The following SPAM1 variants were observed in gnomAD, a reference collection of about 807,000 sequenced individuals.
SPAM1 encodes the protein sperm adhesion molecule 1.
A neutral mutation model predicts 29.6 loss-of-function variants in SPAM1; 22 were observed. The ratio of observed to expected loss-of-function variants is 0.74; its 90% CI spans 0.53 to 1.06. SPAM1 has a LOEUF of 1.06. Ranked by LOEUF, SPAM1 falls within the 50% of genes least tolerant of loss-of-function variation. The pLI is 0.00. For synonymous variants in SPAM1, 194 were observed against 204.6 expected, an observed-to-expected ratio of 0.95 and a Z score of 0.44; for missense variants, 534 against 604.0, an observed-to-expected ratio of 0.88 and a Z score of 1.21.
At chr7:123,937,596 CAA>C (rs5887154) in intron 1 of SPAM1, among the ~76,000 whole-genome samples, 62 of 85,846 alleles carry the variant, frequency 7.2e-4, no homozygotes, top group East Asian at 2.3e-3. Context: ...GACTCCATCT[CAA>C]AAAAAAAAAA....
chr7:123,951,952 G>C (rs1486653537), intron 2 of SPAM1, among the ~76,000 whole-genome samples: 2 of 152,014 alleles, frequency 1.3e-5, no homozygotes, highest in Non-Finnish European at 2.9e-5. Context: ...AAATGAACAC[G>C]TGGAAATAGA....
At chr7:123,963,104 C>G (rs1486236239), downstream of SPAM1, among the ~76,000 whole-genome samples, 3 of 151,614 alleles carry the variant, frequency 2.0e-5, no homozygotes, top group Non-Finnish European at 4.4e-5. Context: ...ATACTTTTGC[C>G]AGGATGAAAT....
downstream of SPAM1, among the ~76,000 whole-genome samples, chr7:123,960,783 G>A (rs751777596): frequency 9.3e-5 from 14 of 151,196 alleles, no homozygotes; most frequent in South Asian, 2.1e-4. Flanking sequence ...ATTTTTTTGC[G>A]GCATTACATT....
chr7:123,941,964 G>C (rs1266083971), intron 1 of SPAM1, among the ~76,000 whole-genome samples: 1 of 152,112 alleles, frequency 6.6e-6, no homozygotes, highest in African/African-American at 2.4e-5. Flanking sequence ...AATAGGGAGA[G>C]GAAGGGAGAA....
chr7:123,935,182 A>G lies in SPAM1; in HGVS notation c.-319+9830A>G, dbSNP rs140864965. 4.0e-3 allele frequency among the ~76,000 whole-genome samples: 611 copies of G among 152,288 alleles called. 11 individuals are homozygous for G. The highest frequency in any genetic ancestry group is 0.013 in the Admixed American group (197 of 15,292). ...CCTAATACAGGGAGGGTGCCTGTACATGGGAAATTTTATGTCTTGTTTTCG... is the reference window on the plus strand; with the variant it reads ...CCTAATACAGGGAGGGTGCCTGTACGTGGGAAATTTTATGTCTTGTTTTCG... On this transcript the variant is annotated intron_variant, in intron 1 of 4. Coordinates refer to ENST00000682466, the MANE Select transcript of SPAM1 (RefSeq NM_153189.3).
intron 1 of SPAM1, among the ~76,000 whole-genome samples, chr7:123,931,090 A>G (rs1004417423): frequency 2.6e-5 from 4 of 152,110 alleles, no homozygotes; most frequent in African/African-American, 9.7e-5. Flanking sequence ...AGGTTGGACA[A>G]TGAGGATGCT....
Position 123,953,713 on chromosome 7 carries a change from C to T in SPAM1, c.143C>T (p.Pro48Leu). The change falls in exon 3 of 5, where the codon CCT becomes CTT. Residue 48 changes from proline to leucine, a missense_variant. By Grantham distance (98) the Pro-to-Leu change is moderately conservative (BLOSUM62 -3). Transcript: ENST00000682466. ...GCACCTCCTGTTATTCCAAATGTGC[C>T]TTTCCTCTGGGCCTGGAATGCCCCA... ...FRAPPVIPNV[P>L]FLWAWNAPSE... 2 of 1,613,358 alleles carry T rather than the reference C, an allele frequency of 1.2e-6. No individual in the cohort carries two copies. The highest frequency in any genetic ancestry group is 1.7e-6 in the Non-Finnish European group (2 of 1,179,684).
At chr7:123,928,016 G>A (rs571531641) in intron 1 of SPAM1, among the ~76,000 whole-genome samples, 19 of 152,196 alleles carry the variant, frequency 1.2e-4, no homozygotes, top group Non-Finnish European at 1.5e-4. Context: ...CATTGTAAGA[G>A]TTCATGGCTC....
intron 5 of SPAM1, among the ~76,000 whole-genome samples, chr7:123,969,778 CT>C (rs34864162): frequency 0.12 from 16,527 of 140,100 alleles, 974 homozygotes; most frequent in African/African-American, 0.14. Context: ...TATTTGGGCT[CT>C]TTTTTTTTTT....
chr7:123,945,114 A>G (rs867079424), intron 1 of SPAM1, among the ~76,000 whole-genome samples: 29 of 152,094 alleles, frequency 1.9e-4, no homozygotes, highest in Non-Finnish European at 2.4e-4. Flanking sequence ...AATTTACCAT[A>G]TAAGATTCTT....
Position 123,965,750 on chromosome 7 carries a change from C to T in SPAM1, c.1486-4448C>T, listed in dbSNP as rs183695591. ...TCAGATAGGGTATTGCCTCCAGCTT[C>T]GCTCTTTTTGTTTAGGATTGTCTTG... On this transcript the variant is annotated intron_variant, in intron 5 of 6. Transcript: ENST00000340011. Among the ~76,000 whole-genome samples, 382 of 152,076 alleles carry T rather than the reference C, an allele frequency of 2.5e-3. 9 individuals carry two copies. Among genetic ancestry groups the T allele is most frequent in the Admixed American group, 0.022 (341 of 15,242 alleles).
At chr7:123,927,431 A>G (rs1475101183) in intron 1 of SPAM1, among the ~76,000 whole-genome samples, 1 of 152,194 alleles carries the variant, frequency 6.6e-6, no homozygotes, top group Non-Finnish European at 1.5e-5. Context: ...GGGCATCTAT[A>G]GCGATTTAGC....
chr7:123,927,443 T>G (rs1170766717), intron 1 of SPAM1, among the ~76,000 whole-genome samples: 2 of 152,182 alleles, frequency 1.3e-5, no homozygotes, highest in African/African-American at 4.8e-5. Flanking sequence ...CGATTTAGCA[T>G]GGGCAGCAAA....
intron 5 of SPAM1, among the ~76,000 whole-genome samples, chr7:123,965,334 T>G (rs1792408944): frequency 6.6e-6 from 1 of 152,058 alleles, no homozygotes; most frequent in Non-Finnish European, 1.5e-5. Flanking sequence ...ATTTTTCTTT[T>G]GTTGCAATCG....
At chr7:123,927,262 A>T (rs1807916435) in intron 1 of SPAM1, among the ~76,000 whole-genome samples, 1 of 152,182 alleles carries the variant, frequency 6.6e-6, no homozygotes, top group Non-Finnish European at 1.5e-5. Context: ...TTGAATACCC[A>T]AAACAATCCT....
intron 1 of SPAM1, among the ~76,000 whole-genome samples, chr7:123,945,696 G>C (rs771549849): frequency 2.4e-4 from 36 of 152,032 alleles, no homozygotes; most frequent in Non-Finnish European, 4.6e-4. Flanking sequence ...GATTTTCCCT[G>C]GTATTGAAGA....
intron 1 of SPAM1, among the ~76,000 whole-genome samples, chr7:123,926,999 C>T (rs1012208833): frequency 8.5e-5 from 13 of 152,078 alleles, no homozygotes; most frequent in Non-Finnish European, 1.6e-4. Flanking sequence ...GTGGATTCTT[C>T]CCATGAGACA....
chr7:123,929,034 A>T (rs1260815902), intron 1 of SPAM1, among the ~76,000 whole-genome samples: 1 of 152,146 alleles, frequency 6.6e-6, no homozygotes, highest in Non-Finnish European at 1.5e-5. Flanking sequence ...TGTTGAAGAG[A>T]CTGTCCTGCC....
In SPAM1 at chr7:123,953,965, C is replaced by A; in HGVS notation, c.395C>A (p.Thr132Lys). Residue 132 changes from threonine (T) to lysine (K), a missense_variant, in exon 3 of 5, where the codon ACA becomes AAA. By Grantham distance (78) the Thr-to-Lys change is moderately conservative. Transcript: ENST00000682466. ...DHLDKAKKDI[T>K]FYMPVDNLGM... ...CTGGACAAAGCTAAGAAAGACATTA[C>A]ATTTTATATGCCAGTAGACAATTTG... 6.2e-7 allele frequency: 1 copy of A among 1,613,734 alleles called. No individual in the cohort carries two copies. The highest frequency in any genetic ancestry group is 8.5e-7 in the Non-Finnish European group (1 of 1,179,812).
Sources: gnomAD v4.1 joint callset for allele counts (sites outside exome capture counted in the v4.1 genomes callset) on GRCh38, gnomAD v4.1.1 for gene constraint, MANE v1.5 for transcripts, NCBI Gene and HGNC (gene_info 2026-07-23, HGNC 2026-07-21) for gene names.